Variants in MEGF10 observed in about 807,000 individuals in gnomAD.
MEGF10 encodes multiple epidermal growth factor-like domains protein 10.
In MEGF10, 86 loss-of-function variants were observed where a neutral mutation model predicts 147.5. The observed-to-expected ratio is 0.58, with a 90% CI of 0.49 to 0.70. MEGF10 has a LOEUF of 0.70. Among genes scored for constraint, MEGF10 ranks in the 30% least tolerant of loss-of-function variants. The pLI is 0.00. For missense variants in MEGF10, 1,329 were observed against 1,487.3 expected (o/e 0.89, Z 1.75); for synonymous variants, 478 against 525.5 (o/e 0.91, Z 1.24).
At chr5:127,259,809 TAAC>T in the MEGF10 span, among the ~76,000 whole-genome samples, 2 of 152,132 alleles carry the variant, frequency 1.3e-5, no homozygotes, top group Non-Finnish European at 2.9e-5. Context: ...CAGCTGTGAA[TAAC>T]AAGAAACTTA....
At chr5:127,390,177 C>G (rs1279102129) in intron 5 of MEGF10, among the ~76,000 whole-genome samples, 1 of 152,164 alleles carries the variant, frequency 6.6e-6, no homozygotes, top group African/African-American at 2.4e-5. Context: ...AACCCTTTTC[C>G]CTCTTTTCCC....
intron 1 of MEGF10, among the ~76,000 whole-genome samples, chr5:127,294,085 C>T (rs1759386979): frequency 6.6e-6 from 1 of 152,214 alleles, no homozygotes; most frequent in Non-Finnish European, 1.5e-5. Flanking sequence ...CCTGTCTAAC[C>T]AACCACTTAC....
chr5:127,275,107 T>C, the MEGF10 span, among the ~76,000 whole-genome samples: 1 of 152,182 alleles, frequency 6.6e-6, no homozygotes, highest in Non-Finnish European at 1.5e-5. Flanking sequence ...CATCATTATA[T>C]TGTGTTAAAT....
At chr5:127,293,250 G>A (rs1453957699) in intron 1 of MEGF10, among the ~76,000 whole-genome samples, 1 of 152,064 alleles carries the variant, frequency 6.6e-6, no homozygotes, top group African/African-American at 2.4e-5. Flanking sequence ...CATAAATTAC[G>A]TTACTTCCAT....
At chr5:127,427,462 G>C (rs1765239454) in intron 13 of MEGF10, among the ~76,000 whole-genome samples, 1 of 152,054 alleles carries the variant, frequency 6.6e-6, no homozygotes, top group Non-Finnish European at 1.5e-5. Flanking sequence ...GTAAGGGGAG[G>C]GGTAGGAGAA....
rs532444295 is a variant in MEGF10 at position 127,436,936 on chromosome 5, G to T, written c.2104+1447G>T. Among the ~76,000 whole-genome samples, 19 of 152,328 alleles carry T rather than the reference G, an allele frequency of 1.2e-4. No individual in the cohort carries two copies. The South Asian group carries it at 3.7e-3, about 30-fold the overall frequency. On this transcript the variant is annotated intron_variant, in intron 16 of 24. Coordinates refer to ENST00000503335, the MANE Select transcript of MEGF10 (RefSeq NM_001256545.2). Reference sequence around the variant, plus strand: ...AACTTAAAGGGGTACATTTAAAGGGGCAGGTGTCCTTGGGAAAATGATTTT... The same window carrying T: ...AACTTAAAGGGGTACATTTAAAGGGTCAGGTGTCCTTGGGAAAATGATTTT...
intron 5 of MEGF10, among the ~76,000 whole-genome samples, chr5:127,373,209 A>G (rs1762908534): frequency 6.6e-6 from 1 of 152,004 alleles, no homozygotes; most frequent in Non-Finnish European, 1.5e-5. Context: ...CTGGAGTGCA[A>G]TGGCTGATCT....
At chr5:127,335,163 T>G (rs74867990) in intron 2 of MEGF10, among the ~76,000 whole-genome samples, 1 of 152,116 alleles carries the variant, frequency 6.6e-6, no homozygotes, top group Non-Finnish European at 1.5e-5. Flanking sequence ...TTGGGATCAG[T>G]TTTTTAAAAT....
At position 127,396,718 on chromosome 5, in the gene MEGF10, G is replaced by T. The variant is rs1286300536; in HGVS notation, c.599G>T (p.Gly200Val). The T allele has an allele frequency of 1.2e-6, 2 of 1,614,066 alleles. No homozygotes were observed. The highest frequency in any genetic ancestry group is 1.7e-6 in the Non-Finnish European group (2 of 1,180,038). The change falls in exon 6 of 25, where the codon GGA (glycine) becomes GTA (valine). Residue 200 changes from glycine to valine, a missense_variant. Physicochemically the swap from Gly to Val is moderately radical, Grantham distance 109. Around this residue, in one of 3 missense-constraint regions of MEGF10, gnomAD observed 980 missense variants for 1,085.9 expected, o/e 0.90. Transcript: ENST00000503335. ...CATCAGAGATGCCAGTGCCAGAATGGAGCCACCTGCGACCACGTCACGGGG... is the reference window on the plus strand; with the variant it reads ...CATCAGAGATGCCAGTGCCAGAATGTAGCCACCTGCGACCACGTCACGGGG... ...DCHQRCQCQN[G>V]ATCDHVTGEC... is the part of the protein sequence containing the mutation.
intron 1 of MEGF10, among the ~76,000 whole-genome samples, chr5:127,298,444 C>G (rs1279456699): frequency 6.6e-6 from 1 of 152,150 alleles, no homozygotes; most frequent in Non-Finnish European, 1.5e-5. Flanking sequence ...AAAATCAGAC[C>G]ATGAGTGAGG....
intron 20 of MEGF10, 126 bp from the exon 21 acceptor site, chr5:127,447,431 C>T (rs770180298): frequency 1.7e-5 from 21 of 1,255,814 alleles, no homozygotes; most frequent in Non-Finnish European, 2.2e-5. Flanking sequence ...CCCGCCTTGG[C>T]CTCCCAAAGT....
intron 19 of MEGF10, chr5:127,444,709 AG>A (rs1765876367): frequency 6.6e-6 from 1 of 152,286 alleles, no homozygotes; most frequent in African/African-American, 2.4e-5. Flanking sequence ...GTAAGGTATT[AG>A]GGTAATGCTA....
chr5:127,420,121 C>T lies in MEGF10; in HGVS notation c.1504C>T (p.Leu502Phe). ...TGGCTGTAACTTAACATGCCAGTGC[C>T]TCAACGGGGGAGCCTGCAACACCCT... ...GFGCNLTCQC[L>F]NGGACNTLDG... is the part of the protein sequence containing the mutation. Residue 502 changes from leucine to phenylalanine, a missense_variant, in exon 12 of 25, where the codon CTC becomes TTC. Physicochemically the swap from Leu to Phe is conservative, Grantham distance 22 (BLOSUM62 0). Around this residue, in one of 3 missense-constraint regions of MEGF10, gnomAD observed 980 missense variants for 1,085.9 expected, o/e 0.90. Transcript: ENST00000503335. 2 of 1,614,214 alleles carry T rather than the reference C, an allele frequency of 1.2e-6. No individual in the cohort carries two copies. The highest frequency in any genetic ancestry group is 1.1e-5 in the South Asian group (1 of 91,080).
At chr5:127,309,699 A>G (rs548209232) in intron 1 of MEGF10, among the ~76,000 whole-genome samples, 297 of 152,292 alleles carry the variant, frequency 2.0e-3, no homozygotes, top group African/African-American at 6.9e-3. Context: ...ATTAATGGAC[A>G]TATGTGTCAT....
intron 1 of MEGF10, among the ~76,000 whole-genome samples, chr5:127,326,832 G>T (rs1222168196): frequency 6.6e-6 from 1 of 152,146 alleles, no homozygotes; most frequent in Non-Finnish European, 1.5e-5. Flanking sequence ...GAAAAAACTG[G>T]TTGAGGGTAC....
chr5:127,434,324 GTACT>G (rs1215277460), intron 14 of MEGF10, among the ~76,000 whole-genome samples: 2 of 152,080 alleles, frequency 1.3e-5, no homozygotes. Context: ...TGGTTTGAGA[GTACT>G]TATTTGAGAC....
In MEGF10 at chr5:127,460,091, A is replaced by G. The variant is rs1220135446; in HGVS notation, c.*2773A>G. 1 of 152,168 alleles carries G rather than the reference A, an allele frequency of 6.6e-6. No individual in the cohort carries two copies. The highest frequency in any genetic ancestry group is 1.5e-5 in the Non-Finnish European group (1 of 68,020). 9.4% of individuals were successfully genotyped at this position (152,168 alleles called of 1,614,324 possible). On this transcript the variant is annotated 3_prime_UTR_variant, in exon 25 of 25. Coordinates refer to ENST00000503335, the MANE Select transcript of MEGF10 (RefSeq NM_001256545.2). ...AACTTTGAACCCATGTTAATTTTGG[A>G]CCCTATAACTAATTTCCTTTCTGTA...
chr5:127,440,180 T>C (rs926266243), intron 17 of MEGF10, among the ~76,000 whole-genome samples: 1 of 152,220 alleles, frequency 6.6e-6, no homozygotes, highest in African/African-American at 2.4e-5. Context: ...GAAGGGTTAT[T>C]GCTTTTTACA....
At chr5:127,341,746 T>A (rs925878297) in intron 4 of MEGF10, among the ~76,000 whole-genome samples, 2 of 152,186 alleles carry the variant, frequency 1.3e-5, no homozygotes, top group African/African-American at 4.8e-5. Flanking sequence ...GTTGTGAATA[T>A]TTTTCCTGGT....
Sources: gnomAD v4.1 joint callset for allele counts (sites outside exome capture counted in the v4.1 genomes callset) on GRCh38, gnomAD v4.1.1 for gene constraint, gnomAD v4.1.1 regional missense constraint, MANE v1.5 for transcripts, NCBI Gene and HGNC (gene_info 2026-07-23, HGNC 2026-07-21) for gene names.